LAMC1: variants seen among roughly 807,000 people sequenced by gnomAD.
LAMC1 encodes the protein laminin subunit gamma-1.
A neutral mutation model predicts 173.6 loss-of-function variants in LAMC1; 38 were observed. That is an observed-to-expected ratio of 0.22 (90% CI 0.17 to 0.29). The LOEUF (loss-of-function observed/expected upper bound fraction) is 0.29. LAMC1 is among the 10% of genes least tolerant of loss of function. The pLI, the probability that LAMC1 is intolerant of heterozygous loss-of-function variation, is 1.00. For missense variants in LAMC1, 1,824 were observed against 2,051.8 expected (o/e 0.89, Z 2.14); for synonymous variants, 746 against 749.1 (o/e 1.00, Z 0.07).
chr1:183,053,418 T>G (rs1654489316), intron 1 of LAMC1, among the ~76,000 whole-genome samples: 1 of 142,662 alleles, frequency 7.0e-6, no homozygotes, highest in African/African-American at 2.7e-5. Flanking sequence ...TTTTTGTGTG[T>G]GTTTTTTTTT....
At chr1:183,126,628 A>G (rs1051425496) in intron 16 of LAMC1, among the ~76,000 whole-genome samples, 7 of 152,196 alleles carry the variant, frequency 4.6e-5, no homozygotes, top group African/African-American at 1.4e-4. Context: ...TCTGTTCACA[A>G]CATGTTTGTT....
chr1:183,032,028 A>G (rs1182314138), intron 1 of LAMC1, among the ~76,000 whole-genome samples: 1 of 152,204 alleles, frequency 6.6e-6, no homozygotes, highest in African/African-American at 2.4e-5. Context: ...ATTTGGGTCT[A>G]AAATTGACAG....
chr1:183,127,421 G>GCATT lies in LAMC1; in HGVS notation c.3123+29_3123+32dup. On this transcript the variant is annotated intron_variant, in intron 17 of 27. Coordinates refer to ENST00000258341, the MANE Select transcript of LAMC1 (RefSeq NM_002293.4). ...AAGGATAAGGTAAGCTGTCAATAGTGCATTCATTCATTCATCCAGCAGACG... is the reference window on the plus strand; with the variant it reads ...AAGGATAAGGTAAGCTGTCAATAGTGCATTCATTCATTCATTCATCCAGCAGACG... The GCATT allele has an allele frequency of 6.2e-7, 1 of 1,611,384 alleles. No individual in the cohort carries two copies. The highest frequency in any genetic ancestry group is 8.5e-7 in the Non-Finnish European group (1 of 1,177,784).
chr1:183,076,715 T>G (rs1655127732), intron 1 of LAMC1, among the ~76,000 whole-genome samples: 1 of 152,244 alleles, frequency 6.6e-6, no homozygotes. Context: ...GCTTTCCTTC[T>G]TTTCTGCCAT....
At chr1:183,131,670 T>TAA (rs1341793689) in intron 20 of LAMC1, among the ~76,000 whole-genome samples, 2 of 152,190 alleles carry the variant, frequency 1.3e-5, no homozygotes, top group Non-Finnish European at 2.9e-5. Flanking sequence ...ATTTTTAACT[T>TAA]ATTTAAGACT....
chr1:183,081,569 TAAATAAA>T (rs1655278471), intron 1 of LAMC1, among the ~76,000 whole-genome samples: 1 of 144,734 alleles, frequency 6.9e-6, no homozygotes, highest in Admixed American at 6.8e-5. Flanking sequence ...AATAAATAAA[TAAATAAA>T]TAAATAAATA....
intron 26 of LAMC1, among the ~76,000 whole-genome samples, chr1:183,140,093 A>G (rs1055319284): frequency 1.4e-5 from 2 of 145,914 alleles, no homozygotes; most frequent in African/African-American, 5.0e-5. Context: ...ATACCTCCAT[A>G]TATTATTGAG....
chr1:183,035,267 C>T (rs897139568), intron 1 of LAMC1, among the ~76,000 whole-genome samples: 3 of 152,192 alleles, frequency 2.0e-5, no homozygotes, highest in Non-Finnish European at 4.4e-5. Context: ...TATTTCATTG[C>T]AGCCTCAAAC....
At chr1:183,117,799 C>G in intron 10 of LAMC1, 76 bp downstream of exon 10, 2 of 1,289,120 alleles carry the variant, frequency 1.6e-6, no homozygotes, top group Non-Finnish European at 2.2e-6. Context: ...TTTAACTGGC[C>G]TCTAGATGTA....
intron 1 of LAMC1, among the ~76,000 whole-genome samples, chr1:183,094,887 C>T (rs1655653650): frequency 6.6e-6 from 1 of 151,908 alleles, no homozygotes; most frequent in Admixed American, 6.6e-5. Flanking sequence ...TGCTCTGTCA[C>T]CCAAGCTGGA....
chr1:183,142,880 A>AC lies in LAMC1; in HGVS notation c.*95dup, dbSNP rs1377624522. 8.2e-6 allele frequency: 11 copies of AC among 1,340,694 alleles called. No homozygotes were observed. Among genetic ancestry groups the AC allele is most frequent in the African/African-American group, 4.4e-5 (3 of 68,068 alleles). 83.0% of individuals were successfully genotyped at this position (1,340,694 alleles called of 1,614,324 possible). ...TTGACACAAAGATTACATTTTTCAGACCCCCACTCCTCTGCTGCTGTCCAT... is the reference window on the plus strand; with the variant it reads ...TTGACACAAAGATTACATTTTTCAGACCCCCCACTCCTCTGCTGCTGTCCAT... On this transcript the variant is annotated 3_prime_UTR_variant, in exon 28 of 28. Transcript: ENST00000258341.
At chr1:183,112,050 A>C (rs1227831776) in intron 4 of LAMC1, among the ~76,000 whole-genome samples, 2 of 152,170 alleles carry the variant, frequency 1.3e-5, no homozygotes, top group African/African-American at 4.8e-5. Flanking sequence ...AAAAACAAAA[A>C]CAAACAAAAA....
At chr1:183,057,331 A>G (rs908453006) in intron 1 of LAMC1, among the ~76,000 whole-genome samples, 2 of 152,220 alleles carry the variant, frequency 1.3e-5, no homozygotes, top group African/African-American at 4.8e-5. Context: ...GTCAGCCCTC[A>G]TTCCTTACCA....
intron 1 of LAMC1, among the ~76,000 whole-genome samples, chr1:183,050,000 T>A (rs556856848): frequency 6.6e-6 from 1 of 152,316 alleles, no homozygotes; most frequent in South Asian, 2.1e-4. Context: ...TCTCCTTGCA[T>A]AATACACTTA....
chr1:183,139,745 C>G (rs1553258987), intron 26 of LAMC1, among the ~76,000 whole-genome samples: 1 of 152,208 alleles, frequency 6.6e-6, no homozygotes, highest in Non-Finnish European at 1.5e-5. Context: ...TCTTCCATTG[C>G]TGTTTCCTAT....
At chr1:183,096,311 T>C (rs528497473) in intron 1 of LAMC1, among the ~76,000 whole-genome samples, 1 of 152,392 alleles carries the variant, frequency 6.6e-6, no homozygotes, top group East Asian at 1.9e-4. Context: ...TTCAGAACTT[T>C]TGTTTTCCTC....
At chr1:183,028,624 T>TCCAG (rs1361844042) in intron 1 of LAMC1, among the ~76,000 whole-genome samples, 11 of 152,364 alleles carry the variant, frequency 7.2e-5, no homozygotes, top group Non-Finnish European at 1.3e-4. Context: ...GCTTGCAGCT[T>TCCAG]CTCTAACGAG....
intron 1 of LAMC1, among the ~76,000 whole-genome samples, chr1:183,077,776 G>GTATATATATATATATATATATATATA (rs68083893): frequency 8.6e-5 from 10 of 116,542 alleles, no homozygotes; most frequent in African/African-American, 2.9e-4. Flanking sequence ...TGGCCATTGT[G>GTATATATATATATATATATATATATA]TATATATATA....
rs1657156922 is a variant in LAMC1, at chr1:183,142,977, A to G, written c.*187A>G. 1.7e-6 allele frequency: 1 copy of G among 598,722 alleles called. No individual in the cohort carries two copies. The allele number at this position is 598,722 out of a possible 1,614,324, so 37.1% of individuals were successfully genotyped here. ...AAATTAAACATCCTGAATCGGGAAC[A>G]AAGGGTTTTATCTAATAAAGTGTCT... On this transcript the variant is annotated 3_prime_UTR_variant, in exon 28 of 28. Coordinates refer to ENST00000258341, the MANE Select transcript of LAMC1 (RefSeq NM_002293.4).
Sources: allele counts gnomAD v4.1 joint callset (sites outside exome capture counted in the v4.1 genomes callset), GRCh38; gene constraint gnomAD v4.1.1; transcripts MANE v1.5; gene names NCBI Gene and HGNC (gene_info 2026-07-23, HGNC 2026-07-21).